Variants in SMIM23 observed in about 807,000 individuals in gnomAD.
SMIM23 encodes CTB-78H18.1.
A neutral mutation model predicts 12.8 loss-of-function variants in SMIM23; 10 were observed. The observed-to-expected ratio is 0.78, with a 90% CI of 0.48 to 1.32. SMIM23 has a LOEUF of 1.32. Among genes scored for constraint, SMIM23 ranks in the 40% most tolerant of loss-of-function variants. SMIM23 has a pLI of 0.00. For missense variants in SMIM23, 184 were observed against 198.2 expected, an observed-to-expected ratio of 0.93 and a Z score of 0.43; for synonymous variants, 78 against 80.1, an observed-to-expected ratio of 0.97 and a Z score of 0.14.
At chr5:171,775,641 T>A in the SMIM23 span, among the ~76,000 whole-genome samples, 2 of 152,134 alleles carry the variant, frequency 1.3e-5, no homozygotes, top group Non-Finnish European at 1.5e-5. Flanking sequence ...AGGCCCCCAA[T>A]GTCCCTTAGC....
the SMIM23 span, among the ~76,000 whole-genome samples, chr5:171,777,128 A>T: frequency 6.6e-6 from 1 of 151,362 alleles, no homozygotes; most frequent in Non-Finnish European, 1.5e-5. Flanking sequence ...CCAAATATCA[A>T]TTGCTCTTTT....
chr5:171,779,082 C>A (rs17073959), upstream of SMIM23, among the ~76,000 whole-genome samples: 9,251 of 152,290 alleles, frequency 0.061, 709 homozygotes, highest in African/African-American at 0.17. Context: ...TTGAGCACAG[C>A]AGACACACAA....
rs561292894 is a variant in SMIM23 at position 171,789,647 on chromosome 5, C to A, written c.106-583C>A. Among the ~76,000 whole-genome samples the A allele has an allele frequency of 9.2e-5, 14 of 152,272 alleles. No individual in the cohort carries two copies. In the South Asian group the frequency reaches 2.9e-3, roughly 32 times the overall value. ...TGAGCACAAAAAAATAGAGGCATTT[C>A]GAAAACATTGTCTTAAGCAAAAGAA... On this transcript the variant is annotated intron_variant, in intron 1 of 3. Transcript: ENST00000523047.
intron 1 of SMIM23, among the ~76,000 whole-genome samples, chr5:171,786,335 C>T (rs1755816948): frequency 6.6e-6 from 1 of 152,136 alleles, no homozygotes; most frequent in African/African-American, 2.4e-5. Flanking sequence ...GATTCATTCT[C>T]AGGGCTGAAA....
upstream of SMIM23, among the ~76,000 whole-genome samples, chr5:171,778,494 G>C (rs200635646): frequency 9.2e-3 from 1,090 of 118,800 alleles, 15 homozygotes; most frequent in African/African-American, 0.03. Flanking sequence ...CACACACACA[G>C]ATAGAGACAG....
the SMIM23 span, among the ~76,000 whole-genome samples, chr5:171,776,700 G>A: frequency 2.6e-5 from 4 of 152,160 alleles, no homozygotes; most frequent in Non-Finnish European, 5.9e-5. Context: ...GGGCTGTCAC[G>A]TCTCAAAATT....
At chr5:171,783,640 G>A (rs1447745540), upstream of SMIM23, among the ~76,000 whole-genome samples, 1 of 152,196 alleles carries the variant, frequency 6.6e-6, no homozygotes, top group East Asian at 1.9e-4. Context: ...CGGAACCTAG[G>A]GCTAGGTGAA....
At chr5:171,773,703 C>T in the SMIM23 span, 1 of 446,718 alleles carries the variant, frequency 2.2e-6, no homozygotes, top group South Asian at 1.6e-5. Flanking sequence ...GCAAGAGCAG[C>T]CAGGCCCCAT....
In SMIM23 at chr5:171,790,934, A is replaced by G. The variant is rs1755912531; in HGVS notation, c.365A>G (p.Glu122Gly). 7 of 1,536,010 alleles carry G rather than the reference A, an allele frequency of 4.6e-6. No individual in the cohort carries two copies. In the East Asian group the frequency reaches 1.7e-4, roughly 38 times the overall value. The change falls in exon 4 of 4, where the codon GAA (glutamate) becomes GGA (glycine). Residue 122 changes from glutamate (E) to glycine (G), a missense_variant. Glu to Gly is a moderately conservative substitution (Grantham distance 98, BLOSUM62 -2). Transcript: ENST00000523047. ...CTGGAGCAGCTAGCGTGGGACCTGGAACTGTGGCTGGATGCTCTTCTGGGA... is the reference window on the plus strand; with the variant it reads ...CTGGAGCAGCTAGCGTGGGACCTGGGACTGTGGCTGGATGCTCTTCTGGGA... ...QQLEQLAWDLELWLDALLGEP... is the reference protein window; with the variant it reads ...QQLEQLAWDLGLWLDALLGEP...
At chr5:171,775,396 C>G in the SMIM23 span, among the ~76,000 whole-genome samples, 1 of 152,132 alleles carries the variant, frequency 6.6e-6, no homozygotes, top group African/African-American at 2.4e-5. Flanking sequence ...AGACCTTGCC[C>G]CTCTGAGGGT....
At chr5:171,776,875 G>A in the SMIM23 span, among the ~76,000 whole-genome samples, 1 of 152,140 alleles carries the variant, frequency 6.6e-6, no homozygotes, top group Non-Finnish European at 1.5e-5. Context: ...TTCCAGTCCT[G>A]CTCCTGCAGG....
the SMIM23 span, among the ~76,000 whole-genome samples, chr5:171,776,072 T>C: frequency 7.2e-5 from 11 of 152,208 alleles, no homozygotes; most frequent in African/African-American, 2.7e-4. Context: ...GGTTTCGCCA[T>C]GTTGGCCAGG....
chr5:171,773,927 A>T, the SMIM23 span: 1 of 439,688 alleles, frequency 2.3e-6, no homozygotes, highest in Non-Finnish European at 4.5e-6. Flanking sequence ...GGACTACACC[A>T]AGGAGGTGGG....
chr5:171,776,458 A>T, the SMIM23 span, among the ~76,000 whole-genome samples: 1 of 152,148 alleles, frequency 6.6e-6, no homozygotes, highest in South Asian at 2.1e-4. Flanking sequence ...TGCAGAAGCC[A>T]TTCTGTCTGC....
the SMIM23 span, among the ~76,000 whole-genome samples, chr5:171,775,697 C>T: frequency 6.6e-6 from 1 of 152,164 alleles, no homozygotes; most frequent in Non-Finnish European, 1.5e-5. Flanking sequence ...GTTTCTATCT[C>T]ATGGAGTTGC....
At chr5:171,781,462 C>T (rs549313422), upstream of SMIM23, among the ~76,000 whole-genome samples, 1 of 152,252 alleles carries the variant, frequency 6.6e-6, no homozygotes, top group African/African-American at 2.4e-5. Context: ...CCATGTAAAT[C>T]AGACACCACC....
At chr5:171,782,488 G>A (rs538351385), upstream of SMIM23, 1 of 152,342 alleles carries the variant, frequency 6.6e-6, no homozygotes, top group South Asian at 2.1e-4. Context: ...GCAGTTAGGA[G>A]AATTAGATGA....
intron 1 of SMIM23, among the ~76,000 whole-genome samples, chr5:171,787,004 CTTTTTTTTTTTTTTT>C (rs202159150): frequency 2.2e-4 from 16 of 71,256 alleles, no homozygotes; most frequent in Admixed American, 8.0e-4. Context: ...CCATTGTTTC[CTTTTTTTTTTTTTTT>C]TTTTTTTTTT....
chr5:171,783,222 A>G (rs1030359576), upstream of SMIM23, among the ~76,000 whole-genome samples: 1 of 152,240 alleles, frequency 6.6e-6, no homozygotes, highest in African/African-American at 2.4e-5. Context: ...CACATAGTAA[A>G]TATGATAATT....
Sources: allele counts gnomAD v4.1 joint callset (sites outside exome capture counted in the v4.1 genomes callset), GRCh38; gene constraint gnomAD v4.1.1; transcripts MANE v1.5; gene names NCBI Gene and HGNC (gene_info 2026-07-23, HGNC 2026-07-21).